Variants in ZNF469 observed in about 807,000 individuals in gnomAD.
The protein encoded by ZNF469 is zinc finger protein 469.
A neutral mutation model predicts 1.0 loss-of-function variants in ZNF469; 1 was observed. The ratio of observed to expected loss-of-function variants is 1.00; its 90% CI spans 0.35 to 4.73. The LOEUF (loss-of-function observed/expected upper bound fraction) is 4.73. ZNF469 is among the 30% of genes most tolerant of loss of function. The probability of loss-of-function intolerance (pLI) is 0.16; values close to 1 mark genes in which losing one functional copy is unlikely to be tolerated. For synonymous variants in ZNF469, 2,703 were observed against 2,363.4 expected (o/e 1.14, Z -4.17); for missense variants, 6,100 against 5,356.3 (o/e 1.14, Z -4.33).
rs539896658 is a variant in ZNF469 at position 88,426,320 on chromosome 16, C to G, written c.-126-1025C>G. 3.3e-5 allele frequency among the ~76,000 whole-genome samples: 5 copies of G among 152,386 alleles called. No individual in the cohort carries two copies. In the South Asian group the frequency reaches 1.0e-3, roughly 32 times the overall value. ...AAGGACAATGCCTGCAAGGGCTGAG[C>G]CCTGCCTCACTCTGCTGTGTAAAGG... On this transcript the variant is annotated intron_variant, in intron 2 of 2. Transcript: ENST00000565624.
chr16:88,302,375 G>A, the ZNF469 span: 2 of 152,194 alleles, frequency 1.3e-5, no homozygotes, highest in Non-Finnish European at 2.9e-5. Flanking sequence ...TTTAAGAGTG[G>A]ATATATTTAT....
chr16:88,125,728 C>G, the ZNF469 span, among the ~76,000 whole-genome samples: 1 of 152,120 alleles, frequency 6.6e-6, no homozygotes, highest in African/African-American at 2.4e-5. Flanking sequence ...AAATTTATCC[C>G]TAAGAATTTT....
At position 88,432,593 on chromosome 16, in the gene ZNF469, G is replaced by C. The variant is rs781236434; in HGVS notation, c.5123G>C (p.Cys1708Ser). The change falls in exon 3 of 3, where the codon TGC becomes TCC. Residue 1708 changes from cysteine to serine, a missense_variant. By Grantham distance (112) the Cys-to-Ser change is moderately radical (BLOSUM62 -1). Transcript: ENST00000565624. ...QKAGASKTGL[C>S]QAEGDSRPPQ... ...GCCGGAGCCTCCAAGACTGGACTTT[G>C]CCAGGCAGAAGGAGACAGCAGGCCC... The C allele has an allele frequency of 1.9e-6, 3 of 1,550,438 alleles. No individual in the cohort carries two copies. The highest frequency in any genetic ancestry group is 2.6e-6 in the Non-Finnish European group (3 of 1,146,990).
chr16:88,424,616 C>T lies in ZNF469; in HGVS notation c.-191-191C>T, dbSNP rs1905621771. Among the ~76,000 whole-genome samples the T allele has an allele frequency of 6.6e-6, 1 of 152,100 alleles. No homozygotes were observed. Among genetic ancestry groups the T allele is most frequent in the Non-Finnish European group, 1.5e-5 (1 of 67,998 alleles). ...CTAAACCCTTCAGGGTCCCCCGGGC[C>T]AGCTGAGCTGCCCGCTGGCCTCTGA... On this transcript the variant is annotated intron_variant, in intron 1 of 2. Transcript: ENST00000565624. The surrounding 1 kb of genome is among the most constrained non-coding windows in gnomAD (Gnocchi z 4.3).
chr16:88,156,392 G>A, the ZNF469 span, among the ~76,000 whole-genome samples: 33 of 152,142 alleles, frequency 2.2e-4, no homozygotes, highest in African/African-American at 7.7e-4. Context: ...TTGATCTACT[G>A]TGAGTCCCTT....
rs1375561470 is a variant in ZNF469 at position 88,434,333 on chromosome 16, T to C, written c.6863T>C (p.Leu2288Pro). ...AGCGTGGCCGTCAGGGCTACTGGCC[T>C]GTCCAGCACTCCCACCGGAGATGAG... ...SPSVAVRATG[L>P]SSTPTGDEAQ... is the part of the protein sequence containing the mutation. Residue 2288 changes from leucine (L) to proline (P), a missense_variant, in exon 3 of 3, where the codon CTG becomes CCG. By Grantham distance (98) the Leu-to-Pro change is moderately conservative. Coordinates refer to ENST00000565624, the MANE Select transcript of ZNF469 (RefSeq NM_001367624.2). 7.1e-6 allele frequency: 11 copies of C among 1,550,100 alleles called. No homozygotes were observed. The highest frequency in any genetic ancestry group is 9.6e-6 in the Non-Finnish European group (11 of 1,146,962).
At chr16:88,153,252 C>T in the ZNF469 span, among the ~76,000 whole-genome samples, 9 of 152,280 alleles carry the variant, frequency 5.9e-5, no homozygotes, top group South Asian at 2.1e-4. Context: ...CAGGGTGTTC[C>T]GGGGTGTCCC....
chr16:88,135,491 G>C, the ZNF469 span, among the ~76,000 whole-genome samples: 3 of 152,228 alleles, frequency 2.0e-5, no homozygotes, highest in Non-Finnish European at 4.4e-5. Context: ...CCCGGGCAGG[G>C]GCCATCTCAT....
At chr16:88,364,408 C>A in the ZNF469 span, among the ~76,000 whole-genome samples, 2,750 of 138,102 alleles carry the variant, frequency 0.02, 85 homozygotes, top group African/African-American at 0.072. Context: ...CCAGCATGTT[C>A]TTCCTTTATT....
chr16:88,274,068 G>T, the ZNF469 span, among the ~76,000 whole-genome samples: 2 of 152,218 alleles, frequency 1.3e-5, no homozygotes, highest in African/African-American at 4.8e-5. Context: ...CTCCCAAAGT[G>T]CTGGGATTAC....
chr16:88,438,141 C>A lies in ZNF469; in HGVS notation c.10671C>A (p.Pro3557=), dbSNP rs1906734484. The A allele has an allele frequency of 1.3e-6, 2 of 1,550,248 alleles. No homozygotes were observed. Among genetic ancestry groups the A allele is most frequent in the African/African-American group, 2.7e-5 (2 of 73,068 alleles). ...AGTGTCCCCCGCCGTCTCTGTCTCC[C>A]TTCCCAGCTGCCTTGGCTGATGGCA... ...HQECPPPSLS[P]FPAALADGRG... is the part of the protein sequence containing the mutation. Residue 3557 remains proline (P), a synonymous_variant, in exon 3 of 3, where the codon CCC becomes CCA. Coordinates refer to ENST00000565624, the MANE Select transcript of ZNF469 (RefSeq NM_001367624.2).
At chr16:88,347,507 C>T in the ZNF469 span, among the ~76,000 whole-genome samples, 1 of 152,190 alleles carries the variant, frequency 6.6e-6, no homozygotes, top group Non-Finnish European at 1.5e-5. Context: ...CTCCTGACAT[C>T]CGCAGGAACC....
chr16:88,222,778 T>G, the ZNF469 span, among the ~76,000 whole-genome samples: 8 of 151,494 alleles, frequency 5.3e-5, no homozygotes, highest in Non-Finnish European at 1.2e-4. Context: ...AACAAAAACA[T>G]TCTAGAGACA....
At chr16:88,419,933 G>T (rs532335034) in intron 1 of ZNF469, among the ~76,000 whole-genome samples, 1 of 152,388 alleles carries the variant, frequency 6.6e-6, no homozygotes, top group East Asian at 1.9e-4. Flanking sequence ...GGCACAGAGA[G>T]GGGTGGAGGC....
Position 88,404,405 on chromosome 16 carries a change from C to T in ZNF469, c.-191-20402C>T, listed in dbSNP as rs575200374. On this transcript the variant is annotated intron_variant, in intron 1 of 2. Transcript: ENST00000565624. ...GTGTGCTGTTAGTGATTCACCAGCA[C>T]GAGTGAGTTGCTCACCTGTGTGATT... Among the ~76,000 whole-genome samples the T allele has an allele frequency of 2.4e-4, 37 of 152,346 alleles. No homozygotes were observed. In the South Asian group the frequency reaches 7.2e-3, roughly 30 times the overall value.
the ZNF469 span, among the ~76,000 whole-genome samples, chr16:88,328,937 G>A: frequency 3.3e-5 from 5 of 152,164 alleles, no homozygotes; most frequent in South Asian, 2.1e-4. Flanking sequence ...GAGTCAAACC[G>A]AATCAGCAAG....
the ZNF469 span, among the ~76,000 whole-genome samples, chr16:88,125,215 T>G: frequency 2.1e-5 from 3 of 145,174 alleles, no homozygotes; most frequent in African/African-American, 7.7e-5. Context: ...CTTCTTTCAT[T>G]GATCTACACA....
the ZNF469 span, among the ~76,000 whole-genome samples, chr16:88,174,473 T>C: frequency 0.22 from 28,551 of 128,356 alleles, 4,114 homozygotes; most frequent in Middle Eastern, 0.33. Context: ...CGTCTGTCTG[T>C]CTGTCTATCT....
chr16:88,204,627 A>G, the ZNF469 span, among the ~76,000 whole-genome samples: 2,410 of 152,348 alleles, frequency 0.016, 63 homozygotes, highest in African/African-American at 0.056. Context: ...CGCCTTGGCC[A>G]GAATGCAGGA....
Sources: gnomAD v4.1 joint callset for allele counts (sites outside exome capture counted in the v4.1 genomes callset) on GRCh38, gnomAD v4.1.1 for gene constraint, Gnocchi (gnomAD v3.1) non-coding constraint, MANE v1.5 for transcripts, NCBI Gene and HGNC (gene_info 2026-07-23, HGNC 2026-07-21) for gene names.